ZNF107: variants seen among roughly 807,000 people sequenced by gnomAD.
ZNF107 encodes zinc finger protein 107.
In ZNF107, 19 loss-of-function variants were observed where a neutral mutation model predicts 12.3. That is an observed-to-expected ratio of 1.55 (90% CI 1.08 to 2.27). The LOEUF is 2.27. ZNF107 is among the 30% of genes most tolerant of loss of function. The pLI is 0.00. For synonymous variants in ZNF107, 317 were observed against 330.5 expected (o/e 0.96, Z 0.44); for missense variants, 958 against 979.9 (o/e 0.98, Z 0.30).
Position 64,706,513 on chromosome 7 carries a change from C to T in ZNF107, c.416C>T (p.Ala139Val), listed in dbSNP as rs1468238467. ...AATACAGTTAACCAATGTTTGACAG[C>T]TACCCCAAGCAAAATATTCCAGTGT... ...GHNTVNQCLT[A>V]TPSKIFQCNK... The change falls in exon 4 of 4, where the codon GCT becomes GTT. Residue 139 changes from alanine to valine, a missense_variant. Ala to Val is a moderately conservative substitution (Grantham distance 64, BLOSUM62 0). Transcript: ENST00000620827. The T allele has an allele frequency of 1.2e-6, 2 of 1,610,262 alleles. No homozygotes were observed. Among genetic ancestry groups the T allele is most frequent in the East Asian group, 4.5e-5 (2 of 44,804 alleles).
chr7:64,678,377 C>T (rs920561796), intron 1 of ZNF107, among the ~76,000 whole-genome samples: 3 of 152,126 alleles, frequency 2.0e-5, no homozygotes, highest in African/African-American at 4.8e-5. Context: ...ATTGCAAAAG[C>T]GAGGTTCAGT....
At chr7:64,684,742 G>A (rs1305885643) in intron 1 of ZNF107, 1 of 984,042 alleles carries the variant, frequency 1.0e-6, no homozygotes, top group Non-Finnish European at 1.2e-6. Flanking sequence ...CATCTTTTAG[G>A]GCACTCTGTA....
chr7:64,668,223 G>T lies in ZNF107; in HGVS notation c.3+1938G>T, dbSNP rs144611032. Among the ~76,000 whole-genome samples, 1,408 of 151,836 alleles carry T rather than the reference G, an allele frequency of 9.3e-3. 16 individuals carry two copies. Among genetic ancestry groups the T allele is most frequent in the African/African-American group, 0.032 (1,329 of 41,352 alleles). On this transcript the variant is annotated intron_variant, in intron 1 of 3. Transcript: ENST00000620827. ...CATAACGTGCAGGTTTGTTACATATGTACACATGTGCCCTGTTGGTGTGCT... is the reference window on the plus strand; with the variant it reads ...CATAACGTGCAGGTTTGTTACATATTTACACATGTGCCCTGTTGGTGTGCT...
chr7:64,686,763 T>C (rs1287110906), intron 1 of ZNF107: 2 of 843,292 alleles, frequency 2.4e-6, no homozygotes, highest in African/African-American at 1.8e-5. Context: ...CCCAAAACCA[T>C]GTTGTAATTT....
chr7:64,700,760 G>A (rs995269223), intron 3 of ZNF107, among the ~76,000 whole-genome samples: 21 of 151,556 alleles, frequency 1.4e-4, no homozygotes, highest in Admixed American at 1.2e-3. Flanking sequence ...GGCTGGTCTC[G>A]AACTCCTGAC....
At chr7:64,679,341 G>A in intron 1 of ZNF107, 1 of 985,218 alleles carries the variant, frequency 1.0e-6, no homozygotes, top group South Asian at 4.7e-5. Context: ...GGATAGGTAA[G>A]AGACCTCCAT....
chr7:64,699,797 GGTGGC>G (rs1790407991), intron 3 of ZNF107, among the ~76,000 whole-genome samples: 1 of 152,036 alleles, frequency 6.6e-6, no homozygotes. Context: ...GGCCGGGCGT[GGTGGC>G]TCACGCCTGT....
rs1788992084 is a variant in ZNF107 at position 64,666,176 on chromosome 7, A to G, written c.-107A>G. ...AGCCGGAGCTCCTGCTCTCCTCCTCACTGCTCAGTGTCCTCTGCTCCTAGA... is the reference window on the plus strand; with the variant it reads ...AGCCGGAGCTCCTGCTCTCCTCCTCGCTGCTCAGTGTCCTCTGCTCCTAGA... On this transcript the variant is annotated 5_prime_UTR_variant, in exon 1 of 4. Transcript: ENST00000620827. The G allele has an allele frequency of 3.4e-6, 5 of 1,469,134 alleles. No homozygotes were observed. In the Admixed American group the frequency reaches 6.9e-5, roughly 20 times the overall value. 91.0% of individuals were successfully genotyped at this position (1,469,134 alleles called of 1,614,324 possible).
In ZNF107 at chr7:64,691,280, A is replaced by G. The variant is rs1438481396; in HGVS notation, c.36A>G (p.Glu12=). 5 of 1,548,026 alleles carry G rather than the reference A, an allele frequency of 3.2e-6. No homozygotes were observed. In the Admixed American group the frequency reaches 9.8e-5, roughly 30 times the overall value. ...EPLTFKDVAI[E]FSLEEWQCLD... ...TGACATTTAAAGATGTCGCCATAGA[A>G]TTCTCTCTGGAGGAGTGGCAATGCC... The change falls in exon 2 of 4, where the codon GAA becomes GAG. Residue 12 remains glutamate, a synonymous_variant. Transcript: ENST00000620827.
chr7:64,672,004 T>G (rs1789248260), intron 1 of ZNF107, among the ~76,000 whole-genome samples: 2 of 151,884 alleles, frequency 1.3e-5, no homozygotes, highest in South Asian at 4.2e-4. Context: ...ACCAGGATGG[T>G]CTCGATCTCC....
chr7:64,700,186 C>T (rs1315430933), intron 3 of ZNF107, among the ~76,000 whole-genome samples: 2 of 152,000 alleles, frequency 1.3e-5, no homozygotes, highest in African/African-American at 4.8e-5. Flanking sequence ...CCTCATGCTG[C>T]AATGTACTCC....
rs374254228 is a variant in ZNF107 at position 64,708,429 on chromosome 7, A to G, written c.2332A>G (p.Thr778Ala). 77 of 1,604,186 alleles carry G rather than the reference A, an allele frequency of 4.8e-5. No individual in the cohort carries two copies. In the East Asian group the frequency reaches 6.3e-4, roughly 13 times the overall value. Reference sequence around the variant, plus strand: ...TTTTAACCAATCCTCAAACCTTACTACACATAAGAAAATTCATACTTCAGA... The same window carrying G: ...TTTTAACCAATCCTCAAACCTTACTGCACATAAGAAAATTCATACTTCAGA... ...KAFNQSSNLT[T>A]HKKIHTSEKP... Residue 778 changes from threonine to alanine, a missense_variant, in exon 4 of 4, where the codon ACA (threonine) becomes GCA (alanine). Transcript: ENST00000620827.
At position 64,708,895 on chromosome 7, in the gene ZNF107, G is replaced by A; in HGVS notation, c.*239G>A. On this transcript the variant is annotated 3_prime_UTR_variant, in exon 4 of 4. Coordinates refer to ENST00000620827, the MANE Select transcript of ZNF107 (RefSeq NM_001282359.2). ...GAATCCTACAAATGTGAAAAATGTGGCAAATCCTTTAACTGATCCTCAACT... is the reference window on the plus strand; with the variant it reads ...GAATCCTACAAATGTGAAAAATGTGACAAATCCTTTAACTGATCCTCAACT... 1 of 592,264 alleles carries A rather than the reference G, an allele frequency of 1.7e-6. No homozygotes were observed. Among genetic ancestry groups the A allele is most frequent in the South Asian group, 2.1e-5 (1 of 46,566 alleles). 36.7% of individuals were successfully genotyped at this position (592,264 alleles called of 1,614,324 possible).
chr7:64,683,887 C>T (rs994194319), intron 1 of ZNF107, among the ~76,000 whole-genome samples: 2 of 152,164 alleles, frequency 1.3e-5, no homozygotes, highest in African/African-American at 4.8e-5. Context: ...CCAGATGGGT[C>T]GAGGCCTTCC....
intron 3 of ZNF107, among the ~76,000 whole-genome samples, chr7:64,693,223 C>T (rs60471582): frequency 0.045 from 6,645 of 146,878 alleles, 420 homozygotes; most frequent in East Asian, 0.14. Context: ...CCATGTTAGC[C>T]AGGATGGTCT....
intron 3 of ZNF107, among the ~76,000 whole-genome samples, chr7:64,700,567 T>A: frequency 9.5e-4 from 1 of 1,058 alleles, no homozygotes; most frequent in Admixed American, 0.011. Flanking sequence ...GCCCAGGCTG[T>A]GGAGTGCAGT....
chr7:64,693,551 A>AGAGG (rs1481828011), intron 3 of ZNF107, among the ~76,000 whole-genome samples: 144 of 152,084 alleles, frequency 9.5e-4, no homozygotes, highest in African/African-American at 3.3e-3. Flanking sequence ...AGTCACAAGG[A>AGAGG]TGTTGGGTCT....
In ZNF107 at chr7:64,679,276, C is replaced by T. The variant is rs374719292; in HGVS notation, c.4-11972C>T. ...CTTCCCCCGACTTCTTGAAGAGACC[C>T]ACCCGCGACCTCGGTACCTCGGACC... On this transcript the variant is annotated intron_variant, in intron 1 of 3. Coordinates refer to ENST00000620827, the MANE Select transcript of ZNF107 (RefSeq NM_001282359.2). 42 of 985,084 alleles carry T rather than the reference C, an allele frequency of 4.3e-5. No individual in the cohort carries two copies. In the East Asian group the frequency reaches 2.2e-3, roughly 52 times the overall value. 61.0% of individuals were successfully genotyped at this position (985,084 alleles called of 1,614,324 possible). A position where few individuals can be genotyped will look rare whatever the true frequency, so the allele number is the denominator to read the frequency against.
chr7:64,709,079 A>G lies in ZNF107; in HGVS notation c.*423A>G, dbSNP rs576407261. 27 of 461,376 alleles carry G rather than the reference A, an allele frequency of 5.9e-5. No individual in the cohort carries two copies. Among genetic ancestry groups the G allele is most frequent in the African/African-American group, 1.6e-4 (8 of 49,550 alleles). The allele number at this position is 461,376 out of a possible 1,614,324, so 28.6% of individuals were successfully genotyped here. A position where few individuals can be genotyped will look rare whatever the true frequency, so the allele number is the denominator to read the frequency against. ...AAGAATGTGGCAAAGCTTTTAACCA[A>G]TCCTCATACCTTACTATACAGAAAT... On this transcript the variant is annotated 3_prime_UTR_variant, in exon 4 of 4. Coordinates refer to ENST00000620827, the MANE Select transcript of ZNF107 (RefSeq NM_001282359.2).
Sources: gnomAD v4.1 joint callset for allele counts (sites outside exome capture counted in the v4.1 genomes callset) on GRCh38, gnomAD v4.1.1 for gene constraint, MANE v1.5 for transcripts, NCBI Gene and HGNC (gene_info 2026-07-23, HGNC 2026-07-21) for gene names.